Variants in C14orf39 observed in about 807,000 individuals in gnomAD.
C14orf39 encodes chromosome 14 open reading frame 39.
C14orf39 carries 66 observed loss-of-function variants against 85.6 expected under a neutral mutation model. The observed-to-expected ratio is 0.77, with a 90% CI of 0.63 to 0.95. The LOEUF is 0.95. Among genes scored for constraint, C14orf39 ranks in the 40% least tolerant of loss-of-function variants. The pLI is 0.00. For synonymous variants in C14orf39, 242 were observed against 214.0 expected (o/e 1.13, Z -1.14); for missense variants, 735 against 663.9 (o/e 1.11, Z -1.18).
chr14:60,460,109 A>G (rs1891450911), intron 13 of C14orf39, among the ~76,000 whole-genome samples: 1 of 151,016 alleles, frequency 6.6e-6, no homozygotes, highest in African/African-American at 2.5e-5. Flanking sequence ...TATTATTTTT[A>G]CCACATATTA....
chr14:60,485,677 G>T (rs1892852174), intron 1 of C14orf39, among the ~76,000 whole-genome samples: 1 of 152,062 alleles, frequency 6.6e-6, no homozygotes, highest in East Asian at 1.9e-4. Flanking sequence ...ACCACAGCCC[G>T]TGCGCCTCCC....
rs1037434013 is a variant in C14orf39 at position 60,461,260 on chromosome 14, T to C, written c.1117+94A>G. 19 of 1,046,458 alleles carry C rather than the reference T, an allele frequency of 1.8e-5. 1 individual carries two copies. The highest frequency in any genetic ancestry group is 2.5e-5 in the Non-Finnish European group (17 of 693,192). 64.8% of individuals were successfully genotyped at this position (1,046,458 alleles called of 1,614,324 possible). A position where few individuals can be genotyped will look rare whatever the true frequency, so the allele number is the denominator to read the frequency against. ...GCGTGCATGGTCAGTTAACCAGAGA[T>C]GCAAATAATCGAAACAATTTATTTG... On this transcript the variant is annotated intron_variant, in intron 13 of 17. Coordinates refer to ENST00000321731, the MANE Select transcript of C14orf39 (RefSeq NM_174978.3).
intron 5 of C14orf39, among the ~76,000 whole-genome samples, chr14:60,473,789 T>G (rs1051249654): frequency 3.0e-4 from 46 of 152,330 alleles, no homozygotes; most frequent in African/African-American, 1.1e-3. Context: ...AGTACCATGT[T>G]GTTTTGGTTG....
chr14:60,485,112 T>C (rs1204337327), intron 1 of C14orf39, 26 bp from the exon 2 acceptor site: 4 of 1,569,856 alleles, frequency 2.5e-6, no homozygotes, highest in South Asian at 1.2e-5. Context: ...AAAAAAATTA[T>C]AAGATTTTCT....
At chr14:60,450,112 T>C (rs988783735) in intron 16 of C14orf39, among the ~76,000 whole-genome samples, 12 of 152,182 alleles carry the variant, frequency 7.9e-5, no homozygotes, top group Non-Finnish European at 1.5e-4. Context: ...ATGGTGGCTA[T>C]GGTAAAAGAC....
chr14:60,464,003 A>G (rs932220910), intron 11 of C14orf39, among the ~76,000 whole-genome samples: 1 of 152,170 alleles, frequency 6.6e-6, no homozygotes, highest in East Asian at 1.9e-4. Flanking sequence ...CAAACAAAAA[A>G]CCCTGTTTCT....
At chr14:60,495,329 G>A (rs1893054180) in intron 2 of C14orf39, 2 of 218,346 alleles carry the variant, frequency 9.2e-6, no homozygotes, top group Non-Finnish European at 1.9e-5. Flanking sequence ...CCAATCCTTG[G>A]GGAATTATAG....
chr14:60,484,889 C>A lies in C14orf39; in HGVS notation c.98G>T (p.Arg33Ile), dbSNP rs1219258922. 1.4e-5 allele frequency: 22 copies of A among 1,562,208 alleles called. No homozygotes were observed. The highest frequency in any genetic ancestry group is 1.8e-5 in the Non-Finnish European group (21 of 1,147,852). ...CATGCAAAGCTACTTACTATTAATT[C>A]TTTGAATCATCTCTTCTTTAGTACT... ...DISTKEEMIQ[R>I]INKCCEDIKE... The change falls in exon 3 of 18, where the codon AGA (arginine) becomes ATA (isoleucine). Residue 33 changes from arginine (R) to isoleucine (I), a missense_variant. Arg to Ile is a moderately conservative substitution (Grantham distance 97). Coordinates refer to ENST00000321731, the MANE Select transcript of C14orf39 (RefSeq NM_174978.3). The surrounding 1 kb of genome is among the most constrained non-coding windows in gnomAD (Gnocchi z 4.2).
At chr14:60,499,553 T>G (rs1595495477) in intron 1 of C14orf39, 1 of 152,242 alleles carries the variant, frequency 6.6e-6, no homozygotes, top group African/African-American at 2.4e-5. Context: ...TCCAGAAGTA[T>G]TAAGCAGTTT....
rs773827458 is a variant in C14orf39 at position 60,461,403 on chromosome 14, G to T, written c.1068C>A (p.Thr356=). 1.9e-6 allele frequency: 3 copies of T among 1,607,896 alleles called. No homozygotes were observed. Among genetic ancestry groups the T allele is most frequent in the African/African-American group, 1.3e-5 (1 of 74,792 alleles). ...GATTGGAATTTGATTGTTTCTGTGG[G>T]GTTAACAATCTAAAATGGAATAAAT... ...SQKFMQVRLL[T]PQKQSNSNQW... Residue 356 remains threonine (T), a synonymous_variant, in exon 13 of 18, where the codon ACC becomes ACA. Coordinates refer to ENST00000321731, the MANE Select transcript of C14orf39 (RefSeq NM_174978.3).
At position 60,466,039 on chromosome 14, in the gene C14orf39, A is replaced by C. The variant is rs973306382; in HGVS notation, c.912T>G (p.Ser304Arg). The C allele has an allele frequency of 7.2e-6, 11 of 1,528,810 alleles. No individual in the cohort carries two copies. The African/African-American group carries it at 1.4e-4, about 20-fold the overall frequency. 94.7% of individuals were successfully genotyped at this position (1,528,810 alleles called of 1,614,324 possible). A position where few individuals can be genotyped will look rare whatever the true frequency, so the allele number is the denominator to read the frequency against. ...TGGCAAGCTTTGACTGCTTCGCAGA[A>C]CTTTCTTCTTTTATATCTAGATTAT... ...EPRVADIKEE[S>R]SAKQSKLANI... Residue 304 changes from serine (S) to arginine (R), a missense_variant, in exon 11 of 18, where the codon AGT becomes AGG. Physicochemically the swap from Ser to Arg is moderately radical, Grantham distance 110. Coordinates refer to ENST00000321731, the MANE Select transcript of C14orf39 (RefSeq NM_174978.3).
chr14:60,513,359 G>A (rs1893321074), intron 1 of C14orf39, among the ~76,000 whole-genome samples: 2 of 152,148 alleles, frequency 1.3e-5, no homozygotes, highest in Admixed American at 1.3e-4. Flanking sequence ...GCTAACGAGG[G>A]GCTGGCGAGG....
intron 1 of C14orf39, chr14:60,509,451 G>T: frequency 6.2e-7 from 1 of 1,600,030 alleles, no homozygotes; most frequent in Non-Finnish European, 8.5e-7. Context: ...GCCGGGGTAT[G>T]TGAGACCCTG....
At chr14:60,441,894 T>C (rs948023015) in intron 17 of C14orf39, among the ~76,000 whole-genome samples, 180 bp downstream of exon 17, 1 of 152,064 alleles carries the variant, frequency 6.6e-6, no homozygotes, top group Non-Finnish European at 1.5e-5. Flanking sequence ...TAAGTTTTAA[T>C]AGAGTAGTGA....
At position 60,471,534 on chromosome 14, in the gene C14orf39, T is replaced by C. The variant is rs1317408319; in HGVS notation, c.511+18A>G. 6.3e-7 allele frequency: 1 copy of C among 1,581,674 alleles called. No individual in the cohort carries two copies. Among genetic ancestry groups the C allele is most frequent in the Non-Finnish European group, 8.6e-7 (1 of 1,165,274 alleles). On this transcript the variant is annotated intron_variant, in intron 6 of 17. Coordinates refer to ENST00000321731, the MANE Select transcript of C14orf39 (RefSeq NM_174978.3). Reference sequence around the variant, plus strand: ...CAAAGATATCATAATTAAAACAATATAACAAAAATATTAATACCTCGAAAT... The same window carrying C: ...CAAAGATATCATAATTAAAACAATACAACAAAAATATTAATACCTCGAAAT...
chr14:60,475,022 A>T (rs1365472247), intron 5 of C14orf39, among the ~76,000 whole-genome samples: 1 of 152,106 alleles, frequency 6.6e-6, no homozygotes, highest in Non-Finnish European at 1.5e-5. Context: ...CTGTGAATCC[A>T]TCTGGTCCTG....
chr14:60,488,451 AT>A (rs1294915448), upstream of C14orf39, among the ~76,000 whole-genome samples: 1 of 152,106 alleles, frequency 6.6e-6, no homozygotes, highest in Non-Finnish European at 1.5e-5. Flanking sequence ...ACAGTGCTCC[AT>A]TTGAAAAATT....
At chr14:60,444,254 G>C (rs1251996102) in intron 16 of C14orf39, among the ~76,000 whole-genome samples, 1 of 152,140 alleles carries the variant, frequency 6.6e-6, no homozygotes, top group South Asian at 2.1e-4. Context: ...ACTTCTACGA[G>C]CTAAAGGAGC....
intron 2 of C14orf39, chr14:60,496,122 AC>A (rs747746784): frequency 2.4e-4 from 128 of 525,914 alleles, no homozygotes; most frequent in Non-Finnish European, 4.1e-4. Flanking sequence ...AGCTGCAGAA[AC>A]CTGCTGGAAC....
Sources: gnomAD v4.1 joint callset for allele counts (sites outside exome capture counted in the v4.1 genomes callset) on GRCh38, gnomAD v4.1.1 for gene constraint, Gnocchi (gnomAD v3.1) non-coding constraint, MANE v1.5 for transcripts, NCBI Gene and HGNC (gene_info 2026-07-23, HGNC 2026-07-21) for gene names.